SPOCK1: variants seen among roughly 807,000 people sequenced by gnomAD.
The protein encoded by SPOCK1 is testican-1.
SPOCK1 carries 23 observed loss-of-function variants against 55.3 expected under a neutral mutation model. The observed-to-expected ratio is 0.42, with a 90% CI of 0.30 to 0.59. SPOCK1 has a LOEUF of 0.59. SPOCK1 is among the 20% of genes least tolerant of loss of function. The pLI is 0.22. For missense variants in SPOCK1, 499 were observed against 552.5 expected, an observed-to-expected ratio of 0.90 and a Z score of 0.97; for synonymous variants, 226 against 221.0, an observed-to-expected ratio of 1.02 and a Z score of -0.20.
chr5:137,217,090 T>C (rs572677504), intron 3 of SPOCK1, among the ~76,000 whole-genome samples: 76 of 152,210 alleles, frequency 5.0e-4, no homozygotes, highest in African/African-American at 1.8e-3. Context: ...GGGAGGCCCA[T>C]GAGAAGCCAC....
chr5:137,040,913 T>C (rs9686958), intron 6 of SPOCK1, among the ~76,000 whole-genome samples: 70 of 152,286 alleles, frequency 4.6e-4, no homozygotes, highest in African/African-American at 1.6e-3. Flanking sequence ...CAGCAAGTGA[T>C]AAAGGAGGGC....
intron 3 of SPOCK1, among the ~76,000 whole-genome samples, chr5:137,257,984 A>G (rs575945479): frequency 3.3e-5 from 5 of 152,356 alleles, no homozygotes; most frequent in South Asian, 2.1e-4. Flanking sequence ...TAACTGATCA[A>G]TGAGCTCACA....
intron 5 of SPOCK1, among the ~76,000 whole-genome samples, chr5:137,083,168 C>A (rs557452048): frequency 1.3e-5 from 2 of 152,158 alleles, no homozygotes; most frequent in East Asian, 3.8e-4. Flanking sequence ...CACATTGTGG[C>A]GCCCTCATCA....
At chr5:137,080,002 A>C (rs1023770554) in intron 5 of SPOCK1, among the ~76,000 whole-genome samples, 1 of 152,204 alleles carries the variant, frequency 6.6e-6, no homozygotes, top group Non-Finnish European at 1.5e-5. Flanking sequence ...TGTATTCTTC[A>C]TAATACAGAT....
chr5:137,243,736 T>C (rs1337890835), intron 3 of SPOCK1, among the ~76,000 whole-genome samples: 1 of 152,182 alleles, frequency 6.6e-6, no homozygotes, highest in Non-Finnish European at 1.5e-5. Flanking sequence ...CTAAATCCCT[T>C]ATTATGACTG....
At chr5:137,390,388 C>G (rs1718062487) in intron 2 of SPOCK1, among the ~76,000 whole-genome samples, 1 of 152,122 alleles carries the variant, frequency 6.6e-6, no homozygotes. Flanking sequence ...TGAAAAATTG[C>G]AAATTAGATT....
In SPOCK1 at chr5:137,322,096, A is replaced by C. The variant is rs144015839; in HGVS notation, c.187-55041T>G. ...AAAAGCATATATAAGTATTAAGCTC[A>C]TTGGCTGAGGCAGGCAGTGAACCCA... On this transcript the variant is annotated intron_variant, in intron 2 of 10. Transcript: ENST00000394945. Among the ~76,000 whole-genome samples the C allele has an allele frequency of 2.9e-3, 437 of 152,204 alleles. 6 individuals are homozygous for C. Among genetic ancestry groups the C allele is most frequent in the Non-Finnish European group, 4.6e-3 (312 of 67,994 alleles).
chr5:137,313,557 T>C, intron 2 of SPOCK1: 12 of 891,986 alleles, frequency 1.3e-5, no homozygotes, highest in Non-Finnish European at 1.6e-5. Context: ...GCCTGCCTCC[T>C]ACCTCCTCTT....
At chr5:137,053,480 A>G (rs1752247331) in intron 6 of SPOCK1, among the ~76,000 whole-genome samples, 2 of 152,112 alleles carry the variant, frequency 1.3e-5, no homozygotes, top group African/African-American at 4.8e-5. Flanking sequence ...TATCTCCATT[A>G]GAAAATGTGT....
intron 2 of SPOCK1, among the ~76,000 whole-genome samples, chr5:137,444,471 A>T (rs1198112714): frequency 6.6e-6 from 1 of 152,206 alleles, no homozygotes. Context: ...TCAGGTGCTG[A>T]ACTCAGAATG....
intron 3 of SPOCK1, among the ~76,000 whole-genome samples, chr5:137,190,180 CAG>C: frequency 6.6e-6 from 1 of 152,246 alleles, no homozygotes; most frequent in East Asian, 1.9e-4. Flanking sequence ...TAAACAATAG[CAG>C]AGTTTGAGAG....
chr5:137,332,497 G>T (rs889686296), intron 2 of SPOCK1, among the ~76,000 whole-genome samples: 1 of 152,118 alleles, frequency 6.6e-6, no homozygotes, highest in African/African-American at 2.4e-5. Context: ...ATGCTTGAAA[G>T]AAACTGCTTT....
chr5:137,355,198 G>T (rs1203736923), intron 2 of SPOCK1, among the ~76,000 whole-genome samples: 1 of 150,632 alleles, frequency 6.6e-6, no homozygotes, highest in South Asian at 2.1e-4. Flanking sequence ...ACTGTATCTG[G>T]CCTGTTTTTA....
intron 6 of SPOCK1, among the ~76,000 whole-genome samples, chr5:137,036,884 C>A (rs1460684879): frequency 6.6e-6 from 1 of 152,132 alleles, no homozygotes; most frequent in Admixed American, 6.5e-5. Flanking sequence ...GTGATAGACA[C>A]GGTGAGCAGT....
chr5:137,318,258 G>C (rs1224088722), intron 2 of SPOCK1, among the ~76,000 whole-genome samples: 1 of 152,168 alleles, frequency 6.6e-6, no homozygotes, highest in African/African-American at 2.4e-5. Flanking sequence ...CGCAGTGGCT[G>C]ATGGATAGAT....
rs769734916 is a variant in SPOCK1 at position 137,112,572 on chromosome 5, G to GA, written c.348-12dup. The stretch of plus-strand genomic sequence containing the variant: ...TTCCCCTTCTTTTGCCTAAAGATGA[G>GA]AAAAAAGGGGATAAATTAGTTGAAG... On this transcript the variant is annotated splice_polypyrimidine_tract_variant and intron_variant, in intron 4 of 10. Coordinates refer to ENST00000394945, the MANE Select transcript of SPOCK1 (RefSeq NM_004598.4). The GA allele has an allele frequency of 2.6e-5, 41 of 1,602,626 alleles. No individual in the cohort carries two copies. Among genetic ancestry groups the GA allele is most frequent in the Non-Finnish European group, 3.2e-5 (38 of 1,176,948 alleles).
At chr5:137,047,851 G>A (rs199628602) in intron 6 of SPOCK1, among the ~76,000 whole-genome samples, 624 of 39,080 alleles carry the variant, frequency 0.016, 1 homozygote, top group East Asian at 0.054. Flanking sequence ...CTTTGTTCTC[G>A]TTGGTTTCAA....
At chr5:137,011,297 T>C (rs1022222084) in intron 6 of SPOCK1, among the ~76,000 whole-genome samples, 1 of 152,208 alleles carries the variant, frequency 6.6e-6, no homozygotes, top group Non-Finnish European at 1.5e-5. Flanking sequence ...TGAGCTCAGA[T>C]ATGAATGGAA....
intron 5 of SPOCK1, among the ~76,000 whole-genome samples, chr5:137,075,572 T>A (rs1752741179): frequency 6.6e-6 from 1 of 152,248 alleles, no homozygotes. Flanking sequence ...TGTCAGTGAT[T>A]TAGCACACCC....
Sources: gnomAD v4.1 joint callset for allele counts (sites outside exome capture counted in the v4.1 genomes callset) on GRCh38, gnomAD v4.1.1 for gene constraint, MANE v1.5 for transcripts, NCBI Gene and HGNC (gene_info 2026-07-23, HGNC 2026-07-21) for gene names.